ASXL3: variants seen among roughly 807,000 people sequenced by gnomAD.
The protein encoded by ASXL3 is putative Polycomb group protein ASXL3.
A neutral mutation model predicts 170.6 loss-of-function variants in ASXL3; 34 were observed. The ratio of observed to expected loss-of-function variants is 0.20; its 90% CI spans 0.15 to 0.27. The LOEUF (loss-of-function observed/expected upper bound fraction) is 0.27, where lower values mean the gene tolerates loss of function less well. Among genes scored for constraint, ASXL3 ranks in the 10% least tolerant of loss-of-function variants. ASXL3 has a pLI of 1.00. For synonymous variants in ASXL3, 1,002 were observed against 989.1 expected (o/e 1.01, Z -0.24); for missense variants, 2,592 against 2,695.3 (o/e 0.96, Z 0.85).
At chr18:33,641,309 C>G (rs1051557286) in intron 2 of ASXL3, among the ~76,000 whole-genome samples, 4 of 152,020 alleles carry the variant, frequency 2.6e-5, no homozygotes, top group Non-Finnish European at 5.9e-5. Flanking sequence ...TATGCCTGCT[C>G]CCTTGCCTCC....
At chr18:33,710,295 T>C (rs1293572526) in intron 8 of ASXL3, among the ~76,000 whole-genome samples, 2 of 152,128 alleles carry the variant, frequency 1.3e-5, no homozygotes, top group African/African-American at 4.8e-5. Context: ...TGACTGGTGG[T>C]CATTGATCAA....
intron 8 of ASXL3, among the ~76,000 whole-genome samples, chr18:33,710,904 T>C (rs186814281): frequency 2.0e-5 from 3 of 152,296 alleles, no homozygotes; most frequent in Non-Finnish European, 4.4e-5. Context: ...AAAGCCTTTA[T>C]TTTATAAAAT....
intron 4 of ASXL3, among the ~76,000 whole-genome samples, chr18:33,658,312 CA>C (rs1444188585): frequency 1.3e-5 from 2 of 152,024 alleles, no homozygotes; most frequent in Admixed American, 6.6e-5. Context: ...AAGAAAGCTG[CA>C]AGAATAAGTA....
chr18:33,632,706 A>G (rs1039340498), intron 2 of ASXL3, among the ~76,000 whole-genome samples: 1 of 152,018 alleles, frequency 6.6e-6, no homozygotes, highest in Non-Finnish European at 1.5e-5. Flanking sequence ...CTTTCTCCAC[A>G]TTGCTGCCTA....
chr18:33,697,435 G>T lies in ASXL3; in HGVS notation c.879+13867G>T, dbSNP rs72947428. Reference sequence around the variant, plus strand: ...AAATACAAATTTGAAGAACAGAAAAGAGAGCTTCTGAGCTGGCACATGAGT... The same window carrying T: ...AAATACAAATTTGAAGAACAGAAAATAGAGCTTCTGAGCTGGCACATGAGT... On this transcript the variant is annotated intron_variant, in intron 8 of 11. Transcript: ENST00000269197. Among the ~76,000 whole-genome samples, 393 of 152,222 alleles carry T rather than the reference G, an allele frequency of 2.6e-3. 4 individuals are homozygous for T. Among genetic ancestry groups the T allele is most frequent in the Non-Finnish European group, 4.5e-3 (309 of 68,002 alleles).
chr18:33,735,919 C>G (rs983672457), intron 10 of ASXL3, among the ~76,000 whole-genome samples: 4 of 152,114 alleles, frequency 2.6e-5, no homozygotes, highest in African/African-American at 9.7e-5. Flanking sequence ...TTCAAGGGAC[C>G]TACATTACAG....
rs141211313 is a variant in ASXL3, at chr18:33,610,527, A to G, written c.137+2851A>G. Reference sequence around the variant, plus strand: ...AGCAAGGCCATTTGTTTCAAGTGCTATCGGGGTCCTTCATTCTATGTGTGC... The same window carrying G: ...AGCAAGGCCATTTGTTTCAAGTGCTGTCGGGGTCCTTCATTCTATGTGTGC... On this transcript the variant is annotated intron_variant, in intron 2 of 11. Coordinates refer to ENST00000269197, the MANE Select transcript of ASXL3 (RefSeq NM_030632.3). Among the ~76,000 whole-genome samples, 3 of 152,104 alleles carry G rather than the reference A, an allele frequency of 2.0e-5. No homozygotes were observed. The East Asian group carries it at 5.8e-4, about 30-fold the overall frequency.
chr18:33,706,687 T>G (rs2066964965), intron 8 of ASXL3, among the ~76,000 whole-genome samples: 1 of 151,812 alleles, frequency 6.6e-6, no homozygotes, highest in Non-Finnish European at 1.5e-5. Flanking sequence ...GGTCATCTTT[T>G]TCTTGTTGAT....
At chr18:33,612,200 C>T (rs1230337044) in intron 2 of ASXL3, among the ~76,000 whole-genome samples, 6 of 143,886 alleles carry the variant, frequency 4.2e-5, no homozygotes, top group Admixed American at 4.1e-4. Flanking sequence ...TATATATATA[C>T]ACAAACCACA....
At chr18:33,607,467 A>T (rs2065266944) in intron 1 of ASXL3, 127 bp from the exon 2 acceptor site, 1 of 777,792 alleles carries the variant, frequency 1.3e-6, no homozygotes, top group Non-Finnish European at 2.1e-6. Flanking sequence ...GATCTGTATG[A>T]TGGACTGCTT....
intron 4 of ASXL3, among the ~76,000 whole-genome samples, chr18:33,651,406 A>ATG (rs1047761812): frequency 6.6e-6 from 1 of 151,810 alleles, no homozygotes; most frequent in Non-Finnish European, 1.5e-5. Context: ...ATATGAGTGG[A>ATG]TGTGTGTGTG....
intron 10 of ASXL3, among the ~76,000 whole-genome samples, chr18:33,735,538 C>T (rs1021748120): frequency 1.3e-5 from 2 of 152,146 alleles, no homozygotes; most frequent in Non-Finnish European, 2.9e-5. Context: ...CCAACAATAT[C>T]ACTCAAGCCT....
intron 1 of ASXL3, among the ~76,000 whole-genome samples, chr18:33,603,735 A>G (rs1248563531): frequency 6.6e-6 from 1 of 152,110 alleles, no homozygotes; most frequent in Non-Finnish European, 1.5e-5. Flanking sequence ...TGAAGAAAAA[A>G]GAAAGTAGCT....
intron 8 of ASXL3, among the ~76,000 whole-genome samples, chr18:33,693,596 G>A (rs79190474): frequency 0.015 from 2,314 of 152,282 alleles, 58 homozygotes; most frequent in African/African-American, 0.053. Context: ...GCCGTGAAAA[G>A]TGGCTTGGTG....
At chr18:33,648,383 G>A (rs1412216208) in intron 4 of ASXL3, among the ~76,000 whole-genome samples, 1 of 152,072 alleles carries the variant, frequency 6.6e-6, no homozygotes. Context: ...GTGTAAGATA[G>A]AGAAAGGAGT....
rs187737841 is a variant in ASXL3, at chr18:33,635,313, G to A, written c.138-9581G>A. ...AAATAAAACTAGGTAGAGACTTATT[G>A]GCTTATTTAACTTGGGCATCCATCA... On this transcript the variant is annotated intron_variant, in intron 2 of 11. Coordinates refer to ENST00000269197, the MANE Select transcript of ASXL3 (RefSeq NM_030632.3). 3.3e-3 allele frequency among the ~76,000 whole-genome samples: 504 copies of A among 152,258 alleles called. 1 individual carries two copies. The highest frequency in any genetic ancestry group is 5.6e-3 in the Non-Finnish European group (381 of 68,020).
At chr18:33,741,642 GA>G (rs1437395527) in intron 11 of ASXL3, among the ~76,000 whole-genome samples, 1 of 152,084 alleles carries the variant, frequency 6.6e-6, no homozygotes, top group Admixed American at 6.5e-5. Flanking sequence ...TTGAAAATGA[GA>G]AACAAGATAG....
At chr18:33,708,292 G>A (rs1402685755) in intron 8 of ASXL3, among the ~76,000 whole-genome samples, 1 of 152,094 alleles carries the variant, frequency 6.6e-6, no homozygotes, top group African/African-American at 2.4e-5. Flanking sequence ...AATAGTTGTA[G>A]AACTTTTCTA....
chr18:33,748,199 T>G lies in ASXL3; in HGVS notation c.*1604T>G, dbSNP rs1338899016. The G allele has an allele frequency of 6.6e-6, 1 of 152,152 alleles. No homozygotes were observed. The highest frequency in any genetic ancestry group is 2.4e-5 in the African/African-American group (1 of 41,446). 9.4% of individuals were successfully genotyped at this position (152,152 alleles called of 1,614,324 possible). On this transcript the variant is annotated 3_prime_UTR_variant, in exon 12 of 12. Transcript: ENST00000269197. ...TGGGATCATCCTAATCACTGTAAAC[T>G]TTTTGACATTCCCGTAAAACACGTC... is the stretch of plus-strand genomic sequence containing the variant.
Sources: allele counts gnomAD v4.1 joint callset (sites outside exome capture counted in the v4.1 genomes callset), GRCh38; gene constraint gnomAD v4.1.1; transcripts MANE v1.5; gene names NCBI Gene and HGNC (gene_info 2026-07-23, HGNC 2026-07-21).